PRDM1: variants seen among roughly 807,000 people sequenced by gnomAD.
PRDM1 encodes the protein PR domain zinc finger protein 1.
PRDM1 carries 13 observed loss-of-function variants against 62.8 expected under a neutral mutation model. The observed-to-expected ratio is 0.21, with a 90% confidence interval of 0.13 to 0.33. The LOEUF (loss-of-function observed/expected upper bound fraction) is 0.33, where lower values mean the gene tolerates loss of function less well. PRDM1 is among the 10% of genes least tolerant of loss of function. The pLI, the probability that PRDM1 is intolerant of heterozygous loss-of-function variation, is 1.00. For missense variants in PRDM1, 895 were observed against 1,058.8 expected (o/e 0.85, Z 2.15); for synonymous variants, 396 against 417.6 (o/e 0.95, Z 0.63).
At chr6:106,058,005 T>C (rs1773290706) in intron 1 of PRDM1, among the ~76,000 whole-genome samples, 1 of 152,212 alleles carries the variant, frequency 6.6e-6, no homozygotes, top group Non-Finnish European at 1.5e-5. Flanking sequence ...GGGCACCACT[T>C]GATTGTATAG....
intron 1 of PRDM1, among the ~76,000 whole-genome samples, chr6:106,051,941 AATATT>A (rs551041891): frequency 6.6e-6 from 1 of 152,208 alleles, no homozygotes; most frequent in Non-Finnish European, 1.5e-5. Flanking sequence ...TAAAAAGACA[AATATT>A]ATATAAGTCC....
chr6:106,056,034 G>A (rs149598463), intron 1 of PRDM1, among the ~76,000 whole-genome samples: 26 of 152,254 alleles, frequency 1.7e-4, no homozygotes, highest in Non-Finnish European at 2.9e-4. Context: ...AAAACACATT[G>A]TTTCAGATAT....
At chr6:106,049,712 G>A (rs1218805093) in intron 1 of PRDM1, among the ~76,000 whole-genome samples, 1 of 152,130 alleles carries the variant, frequency 6.6e-6, no homozygotes, top group Non-Finnish European at 1.5e-5. Context: ...AAACACACAG[G>A]TGCATTGTAC....
chr6:105,999,420 G>A (rs754930094), intron 1 of PRDM1, among the ~76,000 whole-genome samples: 8 of 151,842 alleles, frequency 5.3e-5, no homozygotes, highest in Non-Finnish European at 7.4e-5. Context: ...AAAACACATT[G>A]TGACCAATTA....
rs147138760 is a variant in PRDM1, at chr6:106,087,367, A to G, written c.42+772A>G. Among the ~76,000 whole-genome samples the G allele has an allele frequency of 5.4e-4, 83 of 152,354 alleles. 1 individual carries two copies. In the South Asian group the frequency reaches 0.011, roughly 19 times the overall value. On this transcript the variant is annotated intron_variant, in intron 1 of 6. Transcript: ENST00000369096. ...CTTTCAGATTTAAATGGAAAGTGCT[A>G]TTTGTAGCTGAGGACTCCTAAAGGA...
At position 106,042,292 on chromosome 6, in the gene PRDM1, G is replaced by A. The variant is rs181006401; in HGVS notation, c.-66-45909G>A. On this transcript the variant is annotated intron_variant, in intron 1 of 6. Coordinates refer to the PRDM1 transcript ENST00000652320. ...TCCCAGCACTTTGGGAGGTCGAGGC[G>A]GGCAGATCACCTGAGATCGGGAGTT... Among the ~76,000 whole-genome samples the A allele has an allele frequency of 4.5e-3, 676 of 150,794 alleles. 5 individuals are homozygous for A. The highest frequency in any genetic ancestry group is 0.015 in the African/African-American group (632 of 41,320).
intron 3 of PRDM1, chr6:106,098,844 T>C (rs2074094713): frequency 1.3e-6 from 2 of 1,526,430 alleles, no homozygotes; most frequent in East Asian, 2.5e-5. Context: ...ACAGAGGCCA[T>C]AGAAAAAGCT....
chr6:106,041,407 C>T (rs980751411), intron 1 of PRDM1, among the ~76,000 whole-genome samples: 1 of 152,128 alleles, frequency 6.6e-6, no homozygotes, highest in Non-Finnish European at 1.5e-5. Context: ...AGAAAAAAGC[C>T]ATTGCTTTAG....
chr6:106,090,407 T>G (rs1773932483), intron 2 of PRDM1, among the ~76,000 whole-genome samples: 1 of 152,224 alleles, frequency 6.6e-6, no homozygotes, highest in South Asian at 2.1e-4. Context: ...ACTGAAGCGC[T>G]TGAATAGAGG....
At chr6:106,035,916 CT>C (rs1772919681) in intron 1 of PRDM1, among the ~76,000 whole-genome samples, 1 of 151,810 alleles carries the variant, frequency 6.6e-6, no homozygotes, top group South Asian at 2.1e-4. Flanking sequence ...TTTTTGTTTT[CT>C]TTTTTATGTT....
At chr6:106,006,724 T>A (rs1772488513) in intron 1 of PRDM1, among the ~76,000 whole-genome samples, 1 of 151,970 alleles carries the variant, frequency 6.6e-6, no homozygotes. Flanking sequence ...GGCAGTGTCC[T>A]GGCTGGTCCA....
At chr6:105,997,319 A>G (rs1008516452) in intron 1 of PRDM1, among the ~76,000 whole-genome samples, 1 of 152,088 alleles carries the variant, frequency 6.6e-6, no homozygotes, top group African/African-American at 2.4e-5. Flanking sequence ...AGCTGTCTCA[A>G]TTGTTCTAGA....
chr6:106,014,879 C>A (rs1434168211), intron 1 of PRDM1, among the ~76,000 whole-genome samples: 1 of 151,986 alleles, frequency 6.6e-6, no homozygotes, highest in African/African-American at 2.4e-5. Context: ...AGATGGTGAG[C>A]AGGGGTTTTG....
chr6:106,073,050 G>T (rs897871610), intron 1 of PRDM1, among the ~76,000 whole-genome samples: 1 of 151,772 alleles, frequency 6.6e-6, no homozygotes, highest in Admixed American at 6.6e-5. Context: ...AAATTTGTTT[G>T]CCTGTGTGCA....
chr6:106,072,023 C>T (rs770291386), intron 1 of PRDM1: 2 of 152,180 alleles, frequency 1.3e-5, no homozygotes, highest in Non-Finnish European at 2.9e-5. Flanking sequence ...GGGTATTCTA[C>T]TGTGCAGCAA....
intron 1 of PRDM1, among the ~76,000 whole-genome samples, chr6:106,001,156 T>A (rs1562141783): frequency 6.6e-6 from 1 of 152,240 alleles, no homozygotes; most frequent in Non-Finnish European, 1.5e-5. Context: ...ATCTTTTCAC[T>A]GTTGGACACC....
chr6:105,995,602 C>A (rs1359245062), intron 1 of PRDM1, among the ~76,000 whole-genome samples: 2 of 152,158 alleles, frequency 1.3e-5, no homozygotes, highest in Non-Finnish European at 2.9e-5. Context: ...ACACTAGATA[C>A]ATTACACAGA....
upstream of PRDM1, chr6:106,045,348 G>GT (rs1773057882): frequency 6.6e-6 from 1 of 150,504 alleles, no homozygotes; most frequent in Admixed American, 6.6e-5. Context: ...GAGATATGTG[G>GT]TAAAAAAAAA....
intron 1 of PRDM1, among the ~76,000 whole-genome samples, chr6:106,027,958 C>A (rs544854914): frequency 2.6e-5 from 4 of 152,184 alleles, no homozygotes; most frequent in Non-Finnish European, 5.9e-5. Flanking sequence ...CTACTTAAGT[C>A]ACTTTCCTCA....
Sources: allele counts gnomAD v4.1 joint callset (sites outside exome capture counted in the v4.1 genomes callset), GRCh38; gene constraint gnomAD v4.1.1; transcripts MANE v1.5; gene names NCBI Gene and HGNC (gene_info 2026-07-23, HGNC 2026-07-21).